Variants in IGFBP7 observed in about 807,000 individuals in gnomAD.
IGFBP7 encodes the protein insulin like growth factor binding protein 7.
IGFBP7 carries 31 observed loss-of-function variants against 29.4 expected under a neutral mutation model. That is an observed-to-expected ratio of 1.05 (90% CI 0.79 to 1.42). IGFBP7 has a LOEUF of 1.42. Ranked by LOEUF, IGFBP7 falls within the 40% of genes most tolerant of loss-of-function variation. IGFBP7 has a pLI of 0.00. For missense variants in IGFBP7, 393 were observed against 395.5 expected, an observed-to-expected ratio of 0.99 and a Z score of 0.05; for synonymous variants, 172 against 174.9, an observed-to-expected ratio of 0.98 and a Z score of 0.13.
chr4:57,036,141 T>C (rs1431757895), intron 2 of IGFBP7, among the ~76,000 whole-genome samples: 2 of 152,252 alleles, frequency 1.3e-5, no homozygotes, highest in East Asian at 3.8e-4. Flanking sequence ...TGGACGGATG[T>C]CCATGAAGTA....
chr4:57,059,759 A>T (rs1724756511), intron 1 of IGFBP7, among the ~76,000 whole-genome samples: 1 of 152,210 alleles, frequency 6.6e-6, no homozygotes, highest in Admixed American at 6.5e-5. Context: ...AACTTTTTTT[A>T]AAAAAGAATA....
intron 1 of IGFBP7, among the ~76,000 whole-genome samples, chr4:57,074,084 A>T (rs142208821): frequency 1.7e-3 from 262 of 151,582 alleles, no homozygotes; most frequent in African/African-American, 6.0e-3. Flanking sequence ...CTTTTGAGAC[A>T]CAGTCTCGCT....
At chr4:57,058,446 C>T (rs185653961) in intron 1 of IGFBP7, among the ~76,000 whole-genome samples, 34 of 151,498 alleles carry the variant, frequency 2.2e-4, no homozygotes, top group South Asian at 6.3e-4. Flanking sequence ...TAAGCCTGCA[C>T]GCCTACAACC....
At chr4:57,106,298 A>G (rs1482320441) in intron 1 of IGFBP7, among the ~76,000 whole-genome samples, 1 of 152,144 alleles carries the variant, frequency 6.6e-6, no homozygotes, top group Non-Finnish European at 1.5e-5. Context: ...CATACCTCAC[A>G]CATGTGTATG....
At chr4:57,073,781 C>T (rs993777304) in intron 1 of IGFBP7, among the ~76,000 whole-genome samples, 4 of 152,132 alleles carry the variant, frequency 2.6e-5, no homozygotes. Context: ...ACTGTCACCA[C>T]CACCACATCC....
chr4:57,037,203 A>T (rs1028951445), intron 2 of IGFBP7, among the ~76,000 whole-genome samples: 2 of 152,178 alleles, frequency 1.3e-5, no homozygotes, highest in Non-Finnish European at 2.9e-5. Flanking sequence ...TGTAAGAAAC[A>T]TTGCTTTGGG....
chr4:57,032,806 C>T (rs1254801887), intron 3 of IGFBP7, among the ~76,000 whole-genome samples: 1 of 152,196 alleles, frequency 6.6e-6, no homozygotes, highest in Non-Finnish European at 1.5e-5. Flanking sequence ...GATAGGTACA[C>T]ATTATCGGTT....
chr4:57,077,641 C>T (rs1242869306), intron 1 of IGFBP7, among the ~76,000 whole-genome samples: 1 of 152,166 alleles, frequency 6.6e-6, no homozygotes, highest in Non-Finnish European at 1.5e-5. Flanking sequence ...CACTCCAAGG[C>T]CAATGCAAAT....
intron 1 of IGFBP7, among the ~76,000 whole-genome samples, chr4:57,077,252 T>G (rs1725249988): frequency 6.6e-6 from 1 of 152,150 alleles, no homozygotes; most frequent in East Asian, 1.9e-4. Flanking sequence ...GTCCTCCTTT[T>G]ATAGCAGTTC....
At chr4:57,077,876 C>T (rs934400671) in intron 1 of IGFBP7, among the ~76,000 whole-genome samples, 13 of 152,184 alleles carry the variant, frequency 8.5e-5, no homozygotes, top group East Asian at 1.9e-4. Context: ...ACTCAGGCCT[C>T]GTGGAGTGTT....
intron 1 of IGFBP7, among the ~76,000 whole-genome samples, chr4:57,108,430 A>G (rs985801786): frequency 7.9e-5 from 12 of 152,182 alleles, no homozygotes; most frequent in Admixed American, 6.5e-5. Context: ...TGAATGTCTG[A>G]CTTTCCCTTG....
At position 57,110,072 on chromosome 4, in the gene IGFBP7, G is replaced by C. The variant is rs992447798; in HGVS notation, c.280C>G (p.Arg94Gly). ...GCTGCTGCCCCGGCTTTACCCTTCC[G>C]CCTCTTGCGGCTCTTCACGCACTCC... ...GMECVKSRKRRKGKAGAAAGG... is the reference protein window; with the variant it reads ...GMECVKSRKRGKGKAGAAAGG... Residue 94 changes from arginine (R) to glycine (G), a missense_variant, in exon 1 of 5, where the codon CGG becomes GGG. Transcript: ENST00000295666. 6.4e-7 allele frequency: 1 copy of C among 1,557,896 alleles called. No homozygotes were observed. The highest frequency in any genetic ancestry group is 1.4e-5 in the African/African-American group (1 of 73,424).
At chr4:57,070,258 T>A (rs1055766881) in intron 1 of IGFBP7, among the ~76,000 whole-genome samples, 2 of 152,212 alleles carry the variant, frequency 1.3e-5, no homozygotes, top group African/African-American at 4.8e-5. Context: ...TATAATGTCT[T>A]ATTAAGAAAG....
intron 1 of IGFBP7, among the ~76,000 whole-genome samples, chr4:57,053,868 A>T (rs1724575543): frequency 6.6e-6 from 1 of 152,148 alleles, no homozygotes; most frequent in African/African-American, 2.4e-5. Context: ...AAGATATTAA[A>T]TGTTTTTGCT....
At chr4:57,063,604 G>T (rs1321948598) in intron 1 of IGFBP7, among the ~76,000 whole-genome samples, 1 of 152,214 alleles carries the variant, frequency 6.6e-6, no homozygotes, top group Non-Finnish European at 1.5e-5. Flanking sequence ...GACTATGCTA[G>T]ACATAGCTAG....
intron 1 of IGFBP7, among the ~76,000 whole-genome samples, chr4:57,075,909 T>G (rs1175168819): frequency 2.0e-5 from 3 of 152,200 alleles, no homozygotes; most frequent in African/African-American, 4.8e-5. Flanking sequence ...TAACTATATA[T>G]GGGCCCTATG....
chr4:57,057,850 G>C (rs954398842), intron 1 of IGFBP7, among the ~76,000 whole-genome samples: 16 of 152,240 alleles, frequency 1.1e-4, no homozygotes, highest in Admixed American at 4.6e-4. Context: ...GGTTTACCTA[G>C]TCCTTGGGAA....
At chr4:57,051,921 G>C (rs938701238) in intron 1 of IGFBP7, among the ~76,000 whole-genome samples, 3 of 152,206 alleles carry the variant, frequency 2.0e-5, no homozygotes, top group Non-Finnish European at 4.4e-5. Flanking sequence ...ACAGGGACCT[G>C]CCTGAGGAGA....
chr4:57,092,432 T>A (rs867909112), intron 1 of IGFBP7, among the ~76,000 whole-genome samples: 11 of 152,304 alleles, frequency 7.2e-5, no homozygotes, highest in African/African-American at 9.6e-5. Flanking sequence ...CCTGGTTTTA[T>A]GGCTAGTAAC....
Sources: allele counts gnomAD v4.1 joint callset (sites outside exome capture counted in the v4.1 genomes callset), GRCh38; gene constraint gnomAD v4.1.1; transcripts MANE v1.5; gene names NCBI Gene and HGNC (gene_info 2026-07-23, HGNC 2026-07-21).